TMEM94: variants seen among roughly 807,000 people sequenced by gnomAD.
The protein encoded by TMEM94 is ER Mg2+ ATPase.
Under a neutral mutation model 158.6 loss-of-function variants are expected in TMEM94, and 81 were observed. The ratio of observed to expected loss-of-function variants is 0.51; its 90% confidence interval spans 0.43 to 0.61. TMEM94 has a LOEUF of 0.61. Ranked by LOEUF, TMEM94 falls within the 20% of genes least tolerant of loss-of-function variation. The pLI is 0.00. For synonymous variants in TMEM94, 751 were observed against 730.7 expected (o/e 1.03, Z -0.45); for missense variants, 1,435 against 1,762.0 (o/e 0.81, Z 3.32).
In TMEM94 at chr17:75,492,409, C is replaced by T. The variant is rs1387123536; in HGVS notation, c.1597-65C>T. ...GCCCTCCCCAGCCTTGGGAGGTGGG[C>T]AGAGCCAGTGCTGGCTTCCCCACAC... is the stretch of plus-strand genomic sequence containing the variant. On this transcript the variant is annotated intron_variant, in intron 14 of 31. Transcript: ENST00000314256. The surrounding 1 kb of genome is among the most constrained non-coding windows in gnomAD (Gnocchi z 4.4). 6.0e-6 allele frequency: 9 copies of T among 1,510,958 alleles called. No homozygotes were observed. In the African/African-American group the frequency reaches 7.0e-5, roughly 12 times the overall value. The allele number at this position is 1,510,958 out of a possible 1,614,324, so 93.6% of individuals were successfully genotyped here.
rs753224985 is a variant in TMEM94, at chr17:75,491,837, C to T, written c.1533C>T (p.His511=). Reference sequence around the variant, plus strand: ...ACAAAGCGCATGGCCGCAGCAAACACCCATCTGGCTCCAACGTGAGCTTCA... The same window carrying T: ...ACAAAGCGCATGGCCGCAGCAAACATCCATCTGGCTCCAACGTGAGCTTCA... ...SHHKAHGRSK[H]PSGSNVSFSR... Residue 511 remains histidine, a synonymous_variant, in exon 14 of 32, where the codon CAC becomes CAT. Coordinates refer to ENST00000314256, the MANE Select transcript of TMEM94 (RefSeq NM_014738.6). The surrounding 1 kb of genome is among the most constrained non-coding windows in gnomAD (Gnocchi z 5.1). 1.2e-6 allele frequency: 2 copies of T among 1,614,068 alleles called. No individual in the cohort carries two copies. The highest frequency in any genetic ancestry group is 2.2e-5 in the South Asian group (2 of 91,080).
At chr17:75,479,474 C>G (rs2050983575) in intron 2 of TMEM94, among the ~76,000 whole-genome samples, 1 of 151,980 alleles carries the variant, frequency 6.6e-6, no homozygotes, top group African/African-American at 2.4e-5. Context: ...TGCCCGCCAC[C>G]ATGCCCAGCT....
Position 75,491,273 on chromosome 17 carries a change from C to G in TMEM94, c.1234-30C>G. On this transcript the variant is annotated intron_variant, in intron 12 of 31. Coordinates refer to ENST00000314256, the MANE Select transcript of TMEM94 (RefSeq NM_014738.6). The surrounding 1 kb of genome is among the most constrained non-coding windows in gnomAD (Gnocchi z 5.1). ...GGGCAGGATAGGCTAATGCCAGGCCCCTTTCCTATCTCAAATGCTTTCCAT... is the reference window on the plus strand; with the variant it reads ...GGGCAGGATAGGCTAATGCCAGGCCGCTTTCCTATCTCAAATGCTTTCCAT... 2 of 1,601,962 alleles carry G rather than the reference C, an allele frequency of 1.2e-6. No homozygotes were observed.
At chr17:75,463,077 T>TACAC (rs1218672342) in intron 1 of TMEM94, among the ~76,000 whole-genome samples, 5 of 15,336 alleles carry the variant, frequency 3.3e-4, no homozygotes, top group Admixed American at 3.0e-3. Context: ...TATATATATA[T>TACAC]ATACACACAC....
rs1435379644 is a variant in TMEM94 at position 75,493,752 on chromosome 17, C to A, written c.2243C>A (p.Ala748Asp). The part of the protein sequence containing the change: ...QRACLSGYCS[A>D]FAYKPMNCAL... Reference sequence around the variant, plus strand: ...GCCTGCCTGTCTGGGTATTGCTCTGCCTTCGCCTACAAGCCCATGAACTGC... The same window carrying A: ...GCCTGCCTGTCTGGGTATTGCTCTGACTTCGCCTACAAGCCCATGAACTGC... Residue 748 changes from alanine to aspartate, a missense_variant, in exon 18 of 32, where the codon GCC becomes GAC. This residue lies in a region of TMEM94 where 1,051 missense variants were observed against 1,254.4 expected (regional missense o/e 0.84). Coordinates refer to ENST00000314256, the MANE Select transcript of TMEM94 (RefSeq NM_014738.6). 6.2e-7 allele frequency: 1 copy of A among 1,614,132 alleles called. No individual in the cohort carries two copies. The highest frequency in any genetic ancestry group is 1.7e-5 in the Admixed American group (1 of 60,034).
intron 1 of TMEM94, among the ~76,000 whole-genome samples, chr17:75,465,679 A>ATATATTTTTT (rs1247855961): frequency 8.0e-6 from 1 of 124,848 alleles, no homozygotes; most frequent in Non-Finnish European, 1.6e-5. Context: ...ATATATATAT[A>ATATATTTTTT]TTTTTTTTTA....
In TMEM94 at chr17:75,498,722, TGTGA is replaced by T; in HGVS notation, c.3827+3_3827+6del. 6.4e-7 allele frequency: 1 copy of T among 1,556,970 alleles called. No individual in the cohort carries two copies. Among genetic ancestry groups the T allele is most frequent in the Non-Finnish European group, 8.7e-7 (1 of 1,150,038 alleles). On this transcript the variant is annotated splice_donor_variant and splice_donor_region_variant and intron_variant, in intron 30 of 31. Coordinates refer to ENST00000314256, the MANE Select transcript of TMEM94 (RefSeq NM_014738.6). LOFTEE classifies it high-confidence loss of function. This position sits in a 1 kb window ranked among gnomAD's most constrained non-coding sequence, Gnocchi z 6.7. The stretch of plus-strand genomic sequence containing the variant: ...TGGTGGGCCGTGACAGTGCCTGTGG[TGTGA>T]GTATTGCTAGGATGGAGGGCGGAGT...
At chr17:75,464,837 T>A (rs558360137) in intron 1 of TMEM94, among the ~76,000 whole-genome samples, 9 of 151,988 alleles carry the variant, frequency 5.9e-5, no homozygotes, top group Non-Finnish European at 1.0e-4. Flanking sequence ...GCCTCCCAAG[T>A]AGCTGGGACT....
Position 75,494,658 on chromosome 17 carries a change from C to T in TMEM94, c.2439C>T (p.Asp813=), listed in dbSNP as rs1263913251. The T allele has an allele frequency of 1.2e-6, 2 of 1,613,622 alleles. No individual in the cohort carries two copies. The highest frequency in any genetic ancestry group is 2.2e-5 in the East Asian group (1 of 44,900). Residue 813 remains aspartate, a synonymous_variant, in exon 19 of 32, where the codon GAC becomes GAT. Coordinates refer to ENST00000314256, the MANE Select transcript of TMEM94 (RefSeq NM_014738.6). ...TCGGGGAGGTGCTGGAGAAGGAAGA[C>T]TGCATGCAGGCCCTGAGCGGCCAGA... The part of the protein sequence containing the change: ...EGIGEVLEKE[D]CMQALSGQIF...
chr17:75,468,000 A>G (rs1043300682), intron 1 of TMEM94, among the ~76,000 whole-genome samples: 1 of 152,190 alleles, frequency 6.6e-6, no homozygotes, highest in Non-Finnish European at 1.5e-5. Flanking sequence ...TCATAATTCT[A>G]TAGCTCCTCT....
intron 26 of TMEM94, 102 bp downstream of exon 26, chr17:75,497,300 C>CTCA (rs1279943289): frequency 6.5e-6 from 5 of 773,936 alleles, no homozygotes; most frequent in Non-Finnish European, 8.8e-6. Context: ...CTGCTCAGGT[C>CTCA]TCACCTCCTC....
In TMEM94 at chr17:75,489,160, A is replaced by T; in HGVS notation, c.765-106A>T. 1 of 1,119,480 alleles carries T rather than the reference A, an allele frequency of 8.9e-7. No homozygotes were observed. Among genetic ancestry groups the T allele is most frequent in the Non-Finnish European group, 1.3e-6 (1 of 756,340 alleles). 69.3% of individuals were successfully genotyped at this position (1,119,480 alleles called of 1,614,324 possible). On this transcript the variant is annotated intron_variant, in intron 7 of 31. Coordinates refer to ENST00000314256, the MANE Select transcript of TMEM94 (RefSeq NM_014738.6). The surrounding 1 kb of genome is among the most constrained non-coding windows in gnomAD (Gnocchi z 5.0). ...GGCAGAGCGTGGAACTGCAGGACTC[A>T]CGGTGCTTGAAGAAGCGGTATCTGG...
At chr17:75,479,757 A>T (rs1598358106) in intron 2 of TMEM94, among the ~76,000 whole-genome samples, 1 of 152,278 alleles carries the variant, frequency 6.6e-6, no homozygotes, top group African/African-American at 2.4e-5. Context: ...GTCTCTACTA[A>T]AAATACAAAA....
chr17:75,488,483 T>C (rs1411258446), intron 6 of TMEM94, among the ~76,000 whole-genome samples: 1 of 152,222 alleles, frequency 6.6e-6, no homozygotes, highest in Non-Finnish European at 1.5e-5. Context: ...GGTTTCGGCA[T>C]GTTGGCCAGG....
chr17:75,481,875 TCTC>T (rs1446708486), intron 2 of TMEM94, among the ~76,000 whole-genome samples: 2 of 152,162 alleles, frequency 1.3e-5, no homozygotes, highest in African/African-American at 2.4e-5. Context: ...AAGACTCACT[TCTC>T]CTTCAGGCGC....
chr17:75,471,529 T>G (rs1005976385), intron 1 of TMEM94, among the ~76,000 whole-genome samples: 12 of 152,086 alleles, frequency 7.9e-5, no homozygotes, highest in African/African-American at 2.9e-4. Context: ...GAGACCAGCC[T>G]GGCTAACATG....
intron 2 of TMEM94, among the ~76,000 whole-genome samples, chr17:75,475,174 C>T (rs542692354): frequency 3.9e-5 from 6 of 152,270 alleles, no homozygotes; most frequent in African/African-American, 9.6e-5. Context: ...CAGTGGCTGG[C>T]GTGGAAGCTG....
In TMEM94 at chr17:75,465,679, A is replaced by ATATT. The variant is rs1247855961; in HGVS notation, c.-106-6120_-106-6119insATTT. 1.8e-3 allele frequency among the ~76,000 whole-genome samples: 224 copies of ATATT among 124,814 alleles called. 1 individual carries two copies. Among genetic ancestry groups the ATATT allele is most frequent in the South Asian group, 9.3e-3 (37 of 3,976 alleles). 81.9% of individuals were successfully genotyped at this position (124,814 alleles called of 152,430 possible). A position where few individuals can be genotyped will look rare whatever the true frequency, so the allele number is the denominator to read the frequency against. On this transcript the variant is annotated intron_variant, in intron 1 of 31. Coordinates refer to ENST00000314256, the MANE Select transcript of TMEM94 (RefSeq NM_014738.6). ...TTTATATATATATATATATATATAT[A>ATATT]TTTTTTTTTAATCCCAAAGACTTCA... is the stretch of plus-strand genomic sequence containing the variant.
intron 1 of TMEM94, among the ~76,000 whole-genome samples, chr17:75,463,662 G>A (rs897029445): frequency 6.6e-6 from 1 of 152,170 alleles, no homozygotes; most frequent in East Asian, 1.9e-4. Context: ...TTATACAGTA[G>A]TTTTTGAACC....
Sources: gnomAD v4.1 joint callset for allele counts (sites outside exome capture counted in the v4.1 genomes callset) on GRCh38, gnomAD v4.1.1 for gene constraint, gnomAD v4.1.1 regional missense constraint, Gnocchi (gnomAD v3.1) non-coding constraint, MANE v1.5 for transcripts, NCBI Gene and HGNC (gene_info 2026-07-23, HGNC 2026-07-21) for gene names.